The following MVB12B variants were observed in gnomAD, a reference collection of about 807,000 sequenced individuals.
MVB12B encodes ESCRT-I complex subunit MVB12B.
MVB12B carries 16 observed loss-of-function variants against 41.6 expected under a neutral mutation model. That is an observed-to-expected ratio of 0.38 (90% CI 0.26 to 0.58). MVB12B has a LOEUF of 0.58. MVB12B is among the 20% of genes least tolerant of loss of function. The pLI, the probability that MVB12B is intolerant of heterozygous loss-of-function variation, is 0.62. For missense variants in MVB12B, 274 were observed against 380.2 expected (o/e 0.72, Z 2.32); for synonymous variants, 133 against 139.7 (o/e 0.95, Z 0.34).
intron 7 of MVB12B, 124 bp from the exon 8 acceptor site, chr9:126,481,245 T>C: frequency 1.2e-6 from 1 of 829,756 alleles, no homozygotes; most frequent in Non-Finnish European, 2.0e-6. Context: ...ACATCTGTGC[T>C]GGATGTCACC....
intron 2 of MVB12B, among the ~76,000 whole-genome samples, chr9:126,372,343 A>T (rs1373193029): frequency 6.6e-6 from 1 of 152,182 alleles, no homozygotes; most frequent in African/African-American, 2.4e-5. Flanking sequence ...ATTCACATGC[A>T]AGTTTGTATG....
intron 2 of MVB12B, among the ~76,000 whole-genome samples, chr9:126,342,487 G>A (rs534435878): frequency 2.6e-5 from 4 of 152,198 alleles, no homozygotes; most frequent in African/African-American, 4.8e-5. Context: ...GCAGAAGAGC[G>A]CAGTGTCAAA....
intron 7 of MVB12B, among the ~76,000 whole-genome samples, chr9:126,470,949 A>G (rs184524063): frequency 6.6e-6 from 1 of 152,236 alleles, no homozygotes; most frequent in Non-Finnish European, 1.5e-5. Context: ...ACGAATGGCT[A>G]ACAGTTACTG....
chr9:126,360,488 G>A (rs1204097075), intron 2 of MVB12B, among the ~76,000 whole-genome samples: 34 of 152,296 alleles, frequency 2.2e-4, no homozygotes, highest in Non-Finnish European at 7.3e-5. Context: ...ATTGACTTCA[G>A]CCTAGAGTGT....
intron 6 of MVB12B, among the ~76,000 whole-genome samples, chr9:126,406,145 A>G (rs1831417656): frequency 6.6e-6 from 1 of 151,870 alleles, no homozygotes; most frequent in South Asian, 2.1e-4. Context: ...CCAAGGGCAG[A>G]GAGTTAGGAT....
At chr9:126,441,972 G>C (rs1243616114) in intron 7 of MVB12B, among the ~76,000 whole-genome samples, 1 of 152,194 alleles carries the variant, frequency 6.6e-6, no homozygotes, top group East Asian at 1.9e-4. Context: ...GGTCAGGGTG[G>C]ATTTTGCTTT....
At chr9:126,450,295 G>T (rs558795815) in intron 7 of MVB12B, among the ~76,000 whole-genome samples, 1 of 152,354 alleles carries the variant, frequency 6.6e-6, no homozygotes, top group East Asian at 1.9e-4. Context: ...TGGATGGCCG[G>T]CTGAGCTTCC....
At position 126,436,828 on chromosome 9, in the gene MVB12B, A is replaced by T. The variant is rs1832491576; in HGVS notation, c.757+14880A>T. The stretch of plus-strand genomic sequence containing the variant: ...TCCTGGGTCAATTTTTTAAAAGCGA[A>T]TTGCTCACAACATTTGCTTTCTTTA... On this transcript the variant is annotated intron_variant, in intron 7 of 9. Transcript: ENST00000361171. This position sits in a 1 kb window ranked among gnomAD's most constrained non-coding sequence, Gnocchi z 4.1. Among the ~76,000 whole-genome samples the T allele has an allele frequency of 1.3e-5, 2 of 152,180 alleles. No homozygotes were observed. The highest frequency in any genetic ancestry group is 2.9e-5 in the Non-Finnish European group (2 of 68,032).
intron 6 of MVB12B, among the ~76,000 whole-genome samples, chr9:126,416,329 A>G (rs1339237654): frequency 6.6e-6 from 1 of 152,176 alleles, no homozygotes; most frequent in Non-Finnish European, 1.5e-5. Flanking sequence ...CACCCCTGCC[A>G]AAGGCCATGT....
At chr9:126,412,252 C>A (rs1378396539) in intron 6 of MVB12B, among the ~76,000 whole-genome samples, 1 of 152,174 alleles carries the variant, frequency 6.6e-6, no homozygotes, top group Non-Finnish European at 1.5e-5. Flanking sequence ...TTAAGCACGT[C>A]CTTACACCTG....
At chr9:126,467,913 C>T (rs1012487064) in intron 7 of MVB12B, among the ~76,000 whole-genome samples, 2 of 152,188 alleles carry the variant, frequency 1.3e-5, no homozygotes, top group African/African-American at 2.4e-5. Context: ...GAGGAGTGCC[C>T]ATTGCCTCTG....
intron 7 of MVB12B, among the ~76,000 whole-genome samples, chr9:126,465,613 G>A (rs1833184035): frequency 6.7e-6 from 1 of 149,004 alleles, no homozygotes; most frequent in Non-Finnish European, 1.5e-5. Context: ...TAGGAGCTGG[G>A]GGCGCAGCTA....
At position 126,395,559 on chromosome 9, in the gene MVB12B, C is replaced by T. The variant is rs1484177013; in HGVS notation, c.540-16C>T. On this transcript the variant is annotated splice_polypyrimidine_tract_variant and intron_variant, in intron 5 of 9. Coordinates refer to ENST00000361171, the MANE Select transcript of MVB12B (RefSeq NM_033446.3). This position sits in a 1 kb window ranked among gnomAD's most constrained non-coding sequence, Gnocchi z 4.9. ...GTGCTAACCAGAGCCATGAAGATTTCTCTTTTTTCCTAAAGGGAACTGAAC... is the reference window on the plus strand; with the variant it reads ...GTGCTAACCAGAGCCATGAAGATTTTTCTTTTTTCCTAAAGGGAACTGAAC... 2.5e-6 allele frequency: 4 copies of T among 1,614,020 alleles called. No individual in the cohort carries two copies. In the Admixed American group the frequency reaches 6.7e-5, roughly 27 times the overall value.
intron 6 of MVB12B, 60 bp from the exon 7 acceptor site, chr9:126,421,794 T>C: frequency 7.5e-7 from 1 of 1,327,396 alleles, no homozygotes; most frequent in Non-Finnish European, 1.1e-6. Context: ...GCGTCAGTGC[T>C]TCCTGAGTCT....
chr9:126,407,088 G>A (rs1831455900), intron 6 of MVB12B, among the ~76,000 whole-genome samples: 1 of 152,178 alleles, frequency 6.6e-6, no homozygotes, highest in South Asian at 2.1e-4. Flanking sequence ...GTTATCAGTG[G>A]TCAGTGATGT....
At chr9:126,498,272 G>T (rs1035806939) in intron 9 of MVB12B, among the ~76,000 whole-genome samples, 1 of 152,148 alleles carries the variant, frequency 6.6e-6, no homozygotes, top group Non-Finnish European at 1.5e-5. Flanking sequence ...GAGCCGGGGG[G>T]GCTTGGAGAA....
chr9:126,343,561 G>A (rs1450113538), intron 2 of MVB12B, among the ~76,000 whole-genome samples: 4 of 152,344 alleles, frequency 2.6e-5, no homozygotes, highest in African/African-American at 9.6e-5. Flanking sequence ...GAGAATCATT[G>A]TTGGGTGTGT....
rs545198784 is a variant in MVB12B, at chr9:126,485,750, C to T, written c.873+1718C>T. Among the ~76,000 whole-genome samples the T allele has an allele frequency of 8.8e-5, 9 of 102,838 alleles. No individual in the cohort carries two copies. The South Asian group carries it at 3.3e-3, about 37-fold the overall frequency. 67.5% of individuals were successfully genotyped at this position (102,838 alleles called of 152,430 possible). On this transcript the variant is annotated intron_variant, in intron 9 of 9. Transcript: ENST00000361171. ...GCAGCCTGCTTTCAAACAGTTCACA[C>T]ATTTTCCTAATAAAAAAGAAACCCA...
intron 7 of MVB12B, among the ~76,000 whole-genome samples, chr9:126,476,706 A>C (rs979370660): frequency 1.1e-4 from 17 of 151,794 alleles, no homozygotes; most frequent in East Asian, 3.9e-4. Flanking sequence ...GAAACCCTGT[A>C]TCTACTAAAA....
Sources: gnomAD v4.1 joint callset for allele counts (sites outside exome capture counted in the v4.1 genomes callset) on GRCh38, gnomAD v4.1.1 for gene constraint, Gnocchi (gnomAD v3.1) non-coding constraint, MANE v1.5 for transcripts, NCBI Gene and HGNC (gene_info 2026-07-23, HGNC 2026-07-21) for gene names.